Variants in DUSP22 observed in about 807,000 individuals in gnomAD.
DUSP22 encodes dual specificity protein phosphatase 22.
DUSP22 carries 24 observed loss-of-function variants against 24.5 expected under a neutral mutation model. The observed-to-expected ratio is 0.98, with a 90% CI of 0.71 to 1.38. The LOEUF is 1.38. Among genes scored for constraint, DUSP22 ranks in the 40% most tolerant of loss-of-function variants. The pLI, the probability that DUSP22 is intolerant of heterozygous loss-of-function variation, is 0.00. For synonymous variants in DUSP22, 160 were observed against 106.4 expected (o/e 1.50, Z -3.10); for missense variants, 330 against 269.2 (o/e 1.23, Z -1.58).
intron 1 of DUSP22, among the ~76,000 whole-genome samples, chr6:296,832 G>T (rs965264809): frequency 3.9e-5 from 6 of 152,300 alleles, no homozygotes; most frequent in Non-Finnish European, 8.8e-5. Context: ...AGGACCCTCT[G>T]GTTGGCATCT....
In DUSP22 at chr6:324,984, G is replaced by A. The variant is rs1034453839; in HGVS notation, c.139-10130G>A. ...TTAAGGCAGGCTGCCGCATCCTGCC[G>A]GGAAGGGGAGGCTGGCTCAGGGAGA... On this transcript the variant is annotated intron_variant, in intron 3 of 6. Coordinates refer to ENST00000419235, the MANE Select transcript of DUSP22 (RefSeq NM_001286555.3). Among the ~76,000 whole-genome samples the A allele has an allele frequency of 5.2e-5, 8 of 152,416 alleles. No individual in the cohort carries two copies. In the South Asian group the frequency reaches 6.2e-4, roughly 12 times the overall value.
At chr6:333,068 A>G (rs1759206855) in intron 3 of DUSP22, among the ~76,000 whole-genome samples, 1 of 152,300 alleles carries the variant, frequency 6.6e-6, no homozygotes, top group African/African-American at 2.4e-5. Flanking sequence ...TTTAACAATA[A>G]TACTTCCTTT....
intron 1 of DUSP22, among the ~76,000 whole-genome samples, chr6:301,598 A>G (rs534890995): frequency 6.6e-6 from 1 of 152,308 alleles, no homozygotes; most frequent in Non-Finnish European, 1.5e-5. Flanking sequence ...TTACTACTGT[A>G]ACCCCTGTGT....
At chr6:343,063 C>T (rs1259511745) in intron 4 of DUSP22, among the ~76,000 whole-genome samples, 2 of 150,646 alleles carry the variant, frequency 1.3e-5, no homozygotes, top group African/African-American at 2.5e-5. Flanking sequence ...GCTTTGCGGC[C>T]TGGCTGTAAT....
intron 3 of DUSP22, among the ~76,000 whole-genome samples, chr6:322,091 A>G (rs1029478202): frequency 1.3e-5 from 2 of 152,300 alleles, no homozygotes; most frequent in African/African-American, 2.4e-5. Flanking sequence ...TACATAGTGT[A>G]CACATATCAT....
At chr6:298,561 C>T (rs556154277) in intron 1 of DUSP22, among the ~76,000 whole-genome samples, 10 of 152,420 alleles carry the variant, frequency 6.6e-5, no homozygotes, top group Non-Finnish European at 8.8e-5. Context: ...TGCTTAAGTG[C>T]GTTTTTGTGG....
chr6:299,360 T>TG, intron 1 of DUSP22, among the ~76,000 whole-genome samples: 2 of 152,304 alleles, frequency 1.3e-5, no homozygotes, highest in South Asian at 4.1e-4. Context: ...TCTTTCTCTG[T>TG]ATTCAGGGAT....
At chr6:348,477 T>C in intron 6 of DUSP22, 4 of 949,710 alleles carry the variant, frequency 4.2e-6, no homozygotes, top group Non-Finnish European at 6.2e-6. Flanking sequence ...GCCTACCCTT[T>C]GTCATTCTCC....
intron 6 of DUSP22, 107 bp from the exon 7 acceptor site, chr6:348,662 T>A (rs1409093868): frequency 1.3e-6 from 2 of 1,533,758 alleles, no homozygotes; most frequent in African/African-American, 2.7e-5. Flanking sequence ...TTTGTTTCCC[T>A]GGTTATGTGT....
chr6:320,112 A>G (rs1218513931), intron 3 of DUSP22: 1 of 152,514 alleles, frequency 6.6e-6, no homozygotes, highest in Non-Finnish European at 1.5e-5. Context: ...GAGATCTTCC[A>G]GTACTTAACT....
intron 2 of DUSP22, among the ~76,000 whole-genome samples, chr6:305,970 C>T (rs1387772917): frequency 6.6e-6 from 1 of 152,304 alleles, no homozygotes; most frequent in African/African-American, 2.4e-5. Flanking sequence ...ACACACACAC[C>T]CGTATCCCCC....
At position 350,058 on chromosome 6, in the gene DUSP22, G is replaced by A. The variant is rs1488905681; in HGVS notation, c.*1107G>A. 7 of 985,544 alleles carry A rather than the reference G, an allele frequency of 7.1e-6. No individual in the cohort carries two copies. The highest frequency in any genetic ancestry group is 9.4e-5 in the South Asian group (2 of 21,298). 61.0% of individuals were successfully genotyped at this position (985,544 alleles called of 1,614,324 possible). A position where few individuals can be genotyped will look rare whatever the true frequency, so the allele number is the denominator to read the frequency against. ...GCCTGAGCATTTATTAAGCTTCTTGGTATTCACTTGGGTTTGATAATTGAT... is the reference window on the plus strand; with the variant it reads ...GCCTGAGCATTTATTAAGCTTCTTGATATTCACTTGGGTTTGATAATTGAT... On this transcript the variant is annotated 3_prime_UTR_variant, in exon 7 of 7. Coordinates refer to ENST00000419235, the MANE Select transcript of DUSP22 (RefSeq NM_001286555.3).
intron 3 of DUSP22, among the ~76,000 whole-genome samples, chr6:322,964 C>A (rs916662803): frequency 6.6e-6 from 1 of 152,294 alleles, no homozygotes; most frequent in Admixed American, 6.5e-5. Context: ...TAAGAAAATG[C>A]GCCCTAGTTT....
At chr6:331,660 T>C in intron 3 of DUSP22, among the ~76,000 whole-genome samples, 1 of 152,310 alleles carries the variant, frequency 6.6e-6, no homozygotes, top group East Asian at 1.9e-4. Context: ...GGACTCATGC[T>C]GCTTTCTGAA....
intron 1 of DUSP22, 26 bp from the exon 2 acceptor site, chr6:304,602 C>G (rs759061678): frequency 1.2e-6 from 2 of 1,614,100 alleles, no homozygotes; most frequent in Non-Finnish European, 8.5e-7. Flanking sequence ...CTGCCATGCT[C>G]ATGTCTGTGT....
chr6:312,602 C>A (rs1249373258), intron 3 of DUSP22, among the ~76,000 whole-genome samples: 1 of 152,294 alleles, frequency 6.6e-6, no homozygotes, highest in Non-Finnish European at 1.5e-5. Flanking sequence ...GCCCGAGTTA[C>A]CTCCTTTTAG....
chr6:342,565 C>G (rs984801487), intron 4 of DUSP22, among the ~76,000 whole-genome samples: 1 of 152,310 alleles, frequency 6.6e-6, no homozygotes, highest in Non-Finnish European at 1.5e-5. Flanking sequence ...TGAGTTGGCT[C>G]AAGGTTTCAA....
At chr6:305,045 A>G (rs550979952) in intron 2 of DUSP22, among the ~76,000 whole-genome samples, 12 of 152,418 alleles carry the variant, frequency 7.9e-5, no homozygotes, top group African/African-American at 2.9e-4. Flanking sequence ...TTAAAGCTGA[A>G]TAATACTCCA....
Position 349,079 on chromosome 6 carries a change from C to T in DUSP22, c.*128C>T, listed in dbSNP as rs1760038361. On this transcript the variant is annotated 3_prime_UTR_variant, in exon 7 of 7. Transcript: ENST00000419235. ...CCAGGGCGAGGTGGGGCGAGGGCTC[C>T]TTCCCCCAAGCAACACCGCCCAGCC... The T allele has an allele frequency of 2.7e-6, 4 of 1,472,032 alleles. No individual in the cohort carries two copies. The highest frequency in any genetic ancestry group is 5.0e-5 in the East Asian group (2 of 40,288). 91.2% of individuals were successfully genotyped at this position (1,472,032 alleles called of 1,614,324 possible).
Sources: allele counts gnomAD v4.1 joint callset (sites outside exome capture counted in the v4.1 genomes callset), GRCh38; gene constraint gnomAD v4.1.1; transcripts MANE v1.5; gene names NCBI Gene and HGNC (gene_info 2026-07-23, HGNC 2026-07-21).